The following CCDC102B variants were observed in gnomAD, a reference collection of about 807,000 sequenced individuals.
The protein encoded by CCDC102B is coiled-coil domain-containing protein 102B.
A neutral mutation model predicts 57.4 loss-of-function variants in CCDC102B; 75 were observed. The observed-to-expected ratio is 1.31, with a 90% CI of 1.08 to 1.58. The LOEUF (loss-of-function observed/expected upper bound fraction) is 1.58, where lower values mean the gene tolerates loss of function less well. Ranked by LOEUF, CCDC102B falls within the 40% of genes most tolerant of loss-of-function variation. The pLI is 0.00. For missense variants in CCDC102B, 636 were observed against 582.6 expected (o/e 1.09, Z -0.94); for synonymous variants, 206 against 201.9 (o/e 1.02, Z -0.17).
intron 2 of CCDC102B, among the ~76,000 whole-genome samples, chr18:68,746,732 CTT>C (rs1264654167): frequency 1.3e-5 from 2 of 151,584 alleles, no homozygotes; most frequent in Non-Finnish European, 2.9e-5. Context: ...GGGTTATCAT[CTT>C]TTTTTTTTAA....
intron 6 of CCDC102B, among the ~76,000 whole-genome samples, chr18:68,939,071 T>C (rs2049315836): frequency 6.6e-6 from 1 of 151,822 alleles, no homozygotes; most frequent in African/African-American, 2.4e-5. Context: ...GATATTGTGA[T>C]GTAGAAAATA....
At chr18:68,780,702 C>A (rs1157621405) in intron 2 of CCDC102B, among the ~76,000 whole-genome samples, 1 of 152,060 alleles carries the variant, frequency 6.6e-6, no homozygotes, top group Non-Finnish European at 1.5e-5. Flanking sequence ...TGGATTCTGA[C>A]AGTTTTAACA....
chr18:68,901,496 G>T (rs894371951), intron 6 of CCDC102B, among the ~76,000 whole-genome samples: 3 of 152,054 alleles, frequency 2.0e-5, no homozygotes, highest in African/African-American at 7.2e-5. Context: ...GGGCCAAGAA[G>T]GAAAATGTGA....
intron 2 of CCDC102B, chr18:68,718,176 A>G (rs1009264514): frequency 2.0e-4 from 31 of 152,362 alleles, no homozygotes; most frequent in African/African-American, 7.2e-4. Flanking sequence ...CCAACAGGCT[A>G]AGACACATGT....
At chr18:68,787,754 T>C (rs1404330678) in intron 2 of CCDC102B, among the ~76,000 whole-genome samples, 1 of 151,042 alleles carries the variant, frequency 6.6e-6, no homozygotes, top group Non-Finnish European at 1.5e-5. Flanking sequence ...GGTCTATCAA[T>C]TTTGTTGATC....
intron 7 of CCDC102B, among the ~76,000 whole-genome samples, chr18:69,034,061 T>A (rs537117192): frequency 2.0e-5 from 3 of 152,072 alleles, no homozygotes; most frequent in African/African-American, 2.4e-5. Context: ...TATAATTTAG[T>A]TGTGGTTTTT....
At chr18:68,902,319 A>G (rs1352443840) in intron 6 of CCDC102B, 1 of 152,184 alleles carries the variant, frequency 6.6e-6, no homozygotes. Flanking sequence ...GAGATGATCA[A>G]GCTCATGTTC....
intron 2 of CCDC102B, among the ~76,000 whole-genome samples, chr18:68,768,021 T>A (rs1226543317): frequency 1.3e-5 from 2 of 152,174 alleles, no homozygotes; most frequent in Non-Finnish European, 2.9e-5. Flanking sequence ...CTAAATCTTT[T>A]TTTGTGGTTT....
At chr18:68,973,624 G>T (rs1024128222) in intron 6 of CCDC102B, among the ~76,000 whole-genome samples, 7 of 152,054 alleles carry the variant, frequency 4.6e-5, no homozygotes, top group African/African-American at 7.2e-5. Flanking sequence ...TTGAATGCTA[G>T]TTGTCAAAAA....
chr18:68,936,376 G>T lies in CCDC102B; in HGVS notation c.1263+38948G>T, dbSNP rs73463861. On this transcript the variant is annotated intron_variant, in intron 6 of 7. Transcript: ENST00000360242. The stretch of plus-strand genomic sequence containing the variant: ...GCTTGGTATTTAGCTGTAGGTAGAG[G>T]TGTTCCTCTTTGTTCACCTCTCCAG... 5.3e-3 allele frequency among the ~76,000 whole-genome samples: 810 copies of T among 152,058 alleles called. 4 individuals carry two copies. Among genetic ancestry groups the T allele is most frequent in the African/African-American group, 0.018 (751 of 41,502 alleles).
intron 2 of CCDC102B, among the ~76,000 whole-genome samples, chr18:68,720,147 A>T (rs2032245200): frequency 6.6e-6 from 1 of 152,228 alleles, no homozygotes. Flanking sequence ...ATAGTAAATT[A>T]GGAATAGGAA....
chr18:68,757,921 A>G (rs1326805159), intron 2 of CCDC102B, among the ~76,000 whole-genome samples: 1 of 151,630 alleles, frequency 6.6e-6, no homozygotes, highest in Non-Finnish European at 1.5e-5. Flanking sequence ...CACATATTAG[A>G]AAGACATCAA....
chr18:68,988,556 C>CAAAAAAAAAAAAAAAAAAAAA (rs201769629), intron 6 of CCDC102B, among the ~76,000 whole-genome samples: 1 of 120,996 alleles, frequency 8.3e-6, no homozygotes, highest in African/African-American at 3.3e-5. Flanking sequence ...GTTGAAATTA[C>CAAAAAAAAAAAAAAAAAAAAA]AAAAAAAAAC....
At chr18:68,966,150 CTCTTA>C (rs2050161090) in intron 6 of CCDC102B, among the ~76,000 whole-genome samples, 1 of 152,110 alleles carries the variant, frequency 6.6e-6, no homozygotes, top group South Asian at 2.1e-4. Flanking sequence ...TTTAAACATT[CTCTTA>C]TCTTACTAGT....
At chr18:68,910,071 T>C (rs909169269) in intron 6 of CCDC102B, among the ~76,000 whole-genome samples, 2 of 152,082 alleles carry the variant, frequency 1.3e-5, no homozygotes, top group Non-Finnish European at 2.9e-5. Context: ...GGAGGATCAT[T>C]TGAGGCCCGG....
At chr18:68,880,264 C>T (rs902715852) in intron 5 of CCDC102B, among the ~76,000 whole-genome samples, 5 of 152,222 alleles carry the variant, frequency 3.3e-5, no homozygotes, top group Non-Finnish European at 5.9e-5. Flanking sequence ...TGCCCGGGGC[C>T]GGCAGGGCTG....
At chr18:68,854,017 A>G (rs1599569812) in intron 4 of CCDC102B, among the ~76,000 whole-genome samples, 1 of 152,184 alleles carries the variant, frequency 6.6e-6, no homozygotes, top group African/African-American at 2.4e-5. Context: ...AGAATCAAAA[A>G]TGGTTCCGTT....
intron 5 of CCDC102B, among the ~76,000 whole-genome samples, chr18:68,879,744 C>T (rs949013549): frequency 6.6e-6 from 1 of 152,112 alleles, no homozygotes; most frequent in African/African-American, 2.4e-5. Flanking sequence ...TCCAAGGCCC[C>T]ACCAGAATAG....
intron 2 of CCDC102B, among the ~76,000 whole-genome samples, chr18:68,722,763 T>A (rs2032406963): frequency 6.6e-6 from 1 of 152,148 alleles, no homozygotes; most frequent in Non-Finnish European, 1.5e-5. Context: ...CTTCCTAAGA[T>A]ATGAAAATAC....
Sources: gnomAD v4.1 joint callset for allele counts (sites outside exome capture counted in the v4.1 genomes callset) on GRCh38, gnomAD v4.1.1 for gene constraint, MANE v1.5 for transcripts, NCBI Gene and HGNC (gene_info 2026-07-23, HGNC 2026-07-21) for gene names.